UTP15: variants seen among roughly 807,000 people sequenced by gnomAD.
The protein encoded by UTP15 is U3 small nucleolar RNA-associated protein 15 homolog.
A neutral mutation model predicts 59.1 loss-of-function variants in UTP15; 5 were observed. The observed-to-expected ratio is 0.08, with a 90% CI of 0.04 to 0.18. The LOEUF (loss-of-function observed/expected upper bound fraction) is 0.18, where lower values mean the gene tolerates loss of function less well. Ranked by LOEUF, UTP15 falls within the 10% of genes least tolerant of loss-of-function variation. The probability of loss-of-function intolerance (pLI) is 1.00; values close to 1 mark genes in which losing one functional copy is unlikely to be tolerated. For missense variants in UTP15, 494 were observed against 616.7 expected (o/e 0.80, Z 2.11); for synonymous variants, 211 against 212.2 (o/e 0.99, Z 0.05).
At position 73,579,137 on chromosome 5, in the gene UTP15, A is replaced by T; in HGVS notation, c.1267A>T (p.Asn423Tyr). 1.2e-6 allele frequency: 2 copies of T among 1,613,722 alleles called. No individual in the cohort carries two copies. The highest frequency in any genetic ancestry group is 3.3e-4 in the Middle Eastern group (2 of 6,060). Reference protein sequence around the residue: ...RDEKEISHVLNFLIRNLSQPR... With the variant: ...RDEKEISHVLYFLIRNLSQPR... ...TGAGAAGGAAATCAGTCATGTTCTT[A>T]ATTTTTTGATAAGGTATGTTTTTTG... is the stretch of plus-strand genomic sequence containing the variant. Residue 423 changes from asparagine to tyrosine, a missense_variant, in exon 11 of 13, where the codon AAT (asparagine) becomes TAT (tyrosine). Transcript: ENST00000296792.
rs1748302109 is a variant in UTP15, at chr5:73,581,372, AAGAG to A, written c.*1282_*1285del. ...AGCCTGTAACTATTATTTTTTTATA[AAGAG>A]AGATTCTTATTTTCTTGGCTTTTTG... On this transcript the variant is annotated 3_prime_UTR_variant, in exon 13 of 13. Transcript: ENST00000296792. The A allele has an allele frequency of 6.6e-6, 1 of 152,102 alleles. No individual in the cohort carries two copies. Among genetic ancestry groups the A allele is most frequent in the African/African-American group, 2.4e-5 (1 of 41,412 alleles). 9.4% of individuals were successfully genotyped at this position (152,102 alleles called of 1,614,324 possible). A position where few individuals can be genotyped will look rare whatever the true frequency, so the allele number is the denominator to read the frequency against.
At position 73,565,907 on chromosome 5, in the gene UTP15, G is replaced by A. The variant is rs773102546; in HGVS notation, c.-89G>A. 1.5e-5 allele frequency: 7 copies of A among 456,128 alleles called. No individual in the cohort carries two copies. The highest frequency in any genetic ancestry group is 6.0e-5 in the African/African-American group (3 of 50,078). The allele number at this position is 456,128 out of a possible 1,614,324, so 28.3% of individuals were successfully genotyped here. On this transcript the variant is annotated 5_prime_UTR_variant, in exon 1 of 13. It adds an upstream start codon to the 5' untranslated region. Coordinates refer to ENST00000296792, the MANE Select transcript of UTP15 (RefSeq NM_032175.4). ...GTCTCGTCGGACCCTTTGGGGCTCA[G>A]TGGAGGTAGGTGAAGGCGGCTCCCA...
At chr5:73,573,854 A>G (rs1040181352) in intron 7 of UTP15, among the ~76,000 whole-genome samples, 2 of 151,940 alleles carry the variant, frequency 1.3e-5, no homozygotes, top group Admixed American at 6.6e-5. Context: ...GATTACAGGC[A>G]TGAGCCACCA....
rs549998745 is a variant in UTP15, at chr5:73,569,747, T to C, written c.547+72T>C. 1.7e-5 allele frequency: 23 copies of C among 1,333,562 alleles called. No homozygotes were observed. The South Asian group carries it at 4.1e-4, about 24-fold the overall frequency. The allele number at this position is 1,333,562 out of a possible 1,614,324, so 82.6% of individuals were successfully genotyped here. On this transcript the variant is annotated intron_variant, in intron 5 of 12. Transcript: ENST00000296792. ...GTACTTTAATGTTGCTATGGGACTC[T>C]TTTGGGATGGAGGGGTTTAAATTTT...
chr5:73,570,007 A>T (rs1053456770), intron 5 of UTP15, among the ~76,000 whole-genome samples: 1 of 151,614 alleles, frequency 6.6e-6, no homozygotes, highest in African/African-American at 2.4e-5. Flanking sequence ...TACTTTGTGT[A>T]TTTTTTTGTA....
Position 73,582,601 on chromosome 5 carries a change from C to T in UTP15, c.*2507C>T, listed in dbSNP as rs1249552686. The T allele has an allele frequency of 6.6e-6, 1 of 152,036 alleles. No individual in the cohort carries two copies. Among genetic ancestry groups the T allele is most frequent in the Non-Finnish European group, 1.5e-5 (1 of 68,008 alleles). The allele number at this position is 152,036 out of a possible 1,614,324, so 9.4% of individuals were successfully genotyped here. A position where few individuals can be genotyped will look rare whatever the true frequency, so the allele number is the denominator to read the frequency against. On this transcript the variant is annotated 3_prime_UTR_variant, in exon 13 of 13. Transcript: ENST00000296792. ...AAGAGGTCTCACCATGTTGCCCAGGCCTGAGGCAATCTCCTGGTTTCAAGC... is the reference window on the plus strand; with the variant it reads ...AAGAGGTCTCACCATGTTGCCCAGGTCTGAGGCAATCTCCTGGTTTCAAGC...
intron 7 of UTP15, among the ~76,000 whole-genome samples, chr5:73,575,031 A>G (rs1325975078): frequency 6.6e-6 from 1 of 152,178 alleles, no homozygotes; most frequent in Non-Finnish European, 1.5e-5. Context: ...TGCAAATGCT[A>G]TGTAAATAGT....
chr5:73,573,954 A>G (rs1456930295), intron 7 of UTP15, among the ~76,000 whole-genome samples: 1 of 152,124 alleles, frequency 6.6e-6, no homozygotes, highest in Non-Finnish European at 1.5e-5. Context: ...ATATAATTTC[A>G]GTATGTAATC....
At chr5:73,574,933 T>G (rs1748047754) in intron 7 of UTP15, among the ~76,000 whole-genome samples, 1 of 152,252 alleles carries the variant, frequency 6.6e-6, no homozygotes, top group African/African-American at 2.4e-5. Flanking sequence ...CCAAGTCCCT[T>G]ATTTAAAATG....
intron 7 of UTP15, among the ~76,000 whole-genome samples, chr5:73,575,221 C>T (rs547365341): frequency 6.6e-6 from 1 of 152,262 alleles, no homozygotes; most frequent in East Asian, 1.9e-4. Flanking sequence ...GGCAAGTTTA[C>T]ACATGTTACT....
Position 73,582,903 on chromosome 5 carries a change from ACCG to A in UTP15, c.*2810_*2812del, listed in dbSNP as rs1358458297. 1.3e-5 allele frequency: 2 copies of A among 152,200 alleles called. No individual in the cohort carries two copies. Among genetic ancestry groups the A allele is most frequent in the Admixed American group, 1.3e-4 (2 of 15,274 alleles). 9.4% of individuals were successfully genotyped at this position (152,200 alleles called of 1,614,324 possible). A position where few individuals can be genotyped will look rare whatever the true frequency, so the allele number is the denominator to read the frequency against. On this transcript the variant is annotated 3_prime_UTR_variant, in exon 13 of 13. Transcript: ENST00000296792. ...AATGTTTCAGAGAACTTGGAAAGTC[ACCG>A]TATGTTTAATTTATTATGTTTATGA...
In UTP15 at chr5:73,579,059, A is replaced by G; in HGVS notation, c.1189A>G (p.Ile397Val). Residue 397 changes from isoleucine to valine, a missense_variant, in exon 11 of 13, where the codon ATA becomes GTA. By Grantham distance (29) the Ile-to-Val change is conservative (BLOSUM62 3). Transcript: ENST00000296792. ...GACACCCGAGATTACGGTGTCCATC[A>G]TAAAGGAGTTAAATCGAAGAGGAGT... ...IKTPEITVSI[I>V]KELNRRGVLA... 1 of 1,614,008 alleles carries G rather than the reference A, an allele frequency of 6.2e-7. No individual in the cohort carries two copies. Among genetic ancestry groups the G allele is most frequent in the Non-Finnish European group, 8.5e-7 (1 of 1,179,902 alleles).
intron 7 of UTP15, among the ~76,000 whole-genome samples, chr5:73,575,798 C>G (rs761847158): frequency 6.6e-6 from 1 of 151,854 alleles, no homozygotes; most frequent in Non-Finnish European, 1.5e-5. Flanking sequence ...TCTCGGCTCA[C>G]CGCACCTTCT....
intron 7 of UTP15, among the ~76,000 whole-genome samples, chr5:73,573,146 A>T (rs957970872): frequency 6.6e-6 from 1 of 152,124 alleles, no homozygotes; most frequent in Non-Finnish European, 1.5e-5. Context: ...TAACTTGTAT[A>T]CTTAAACAAC....
chr5:73,570,805 G>T, intron 6 of UTP15, 94 bp downstream of exon 6: 1 of 1,519,298 alleles, frequency 6.6e-7, no homozygotes, highest in South Asian at 1.2e-5. Flanking sequence ...GTGTGCATTT[G>T]AATTGCATAT....
intron 7 of UTP15, among the ~76,000 whole-genome samples, chr5:73,575,604 C>G (rs1748066231): frequency 6.6e-6 from 1 of 151,186 alleles, no homozygotes; most frequent in Non-Finnish European, 1.5e-5. Context: ...TTCAAGTTGC[C>G]CAGGCTGGTC....
At chr5:73,577,416 C>CT (rs1421492122) in intron 8 of UTP15, among the ~76,000 whole-genome samples, 1 of 152,158 alleles carries the variant, frequency 6.6e-6, no homozygotes, top group East Asian at 1.9e-4. Context: ...GAAATATCTC[C>CT]TTTTCTTTGT....
rs1367620749 is a variant in UTP15, at chr5:73,581,278, T to A, written c.*1184T>A. The A allele has an allele frequency of 1.3e-5, 2 of 152,196 alleles. No individual in the cohort carries two copies. The highest frequency in any genetic ancestry group is 1.3e-4 in the Admixed American group (2 of 15,264). 9.4% of individuals were successfully genotyped at this position (152,196 alleles called of 1,614,324 possible). ...CCTTACCGGGCTGGTCTAAAACTCC[T>A]GACCTCAAGTGATCTACCTGCCTCT... On this transcript the variant is annotated 3_prime_UTR_variant, in exon 13 of 13. Coordinates refer to ENST00000296792, the MANE Select transcript of UTP15 (RefSeq NM_032175.4).
At chr5:73,568,150 A>C in intron 2 of UTP15, 85 bp from the exon 3 acceptor site, 1 of 1,018,120 alleles carries the variant, frequency 9.8e-7, no homozygotes, top group Non-Finnish European at 1.4e-6. Context: ...AAGAACAAAG[A>C]GAAACGGTCT....
Sources: allele counts gnomAD v4.1 joint callset (sites outside exome capture counted in the v4.1 genomes callset), GRCh38; gene constraint gnomAD v4.1.1; transcripts MANE v1.5; gene names NCBI Gene and HGNC (gene_info 2026-07-23, HGNC 2026-07-21).